The following UBE3D variants were observed in gnomAD, a reference collection of about 807,000 sequenced individuals.
UBE3D encodes the protein E3 ubiquitin-protein ligase E3D.
In UBE3D, 48 loss-of-function variants were observed where a neutral mutation model predicts 49.6. The observed-to-expected ratio is 0.97, with a 90% CI of 0.77 to 1.23. UBE3D has a LOEUF of 1.23. Among genes scored for constraint, UBE3D ranks in the 50% most tolerant of loss-of-function variants. The pLI, the probability that UBE3D is intolerant of heterozygous loss-of-function variation, is 0.00. For missense variants in UBE3D, 452 were observed against 468.4 expected (o/e 0.96, Z 0.32); for synonymous variants, 189 against 174.2 (o/e 1.08, Z -0.67).
At chr6:82,985,289 C>G (rs1778397984) in intron 8 of UBE3D, among the ~76,000 whole-genome samples, 1 of 152,012 alleles carries the variant, frequency 6.6e-6, no homozygotes, top group Non-Finnish European at 1.5e-5. Context: ...AAAAGGTTTT[C>G]CCCACTCCAA....
At chr6:82,946,536 A>G (rs1775415759) in intron 9 of UBE3D, among the ~76,000 whole-genome samples, 2 of 152,132 alleles carry the variant, frequency 1.3e-5, no homozygotes, top group African/African-American at 4.8e-5. Context: ...AAAGCAAAGA[A>G]TGTTCATGAG....
At chr6:82,934,598 A>T (rs1012601478) in intron 9 of UBE3D, among the ~76,000 whole-genome samples, 2 of 152,064 alleles carry the variant, frequency 1.3e-5, no homozygotes, top group Non-Finnish European at 2.9e-5. Flanking sequence ...AGGAGAAAAC[A>T]GTTGTTAAAC....
chr6:82,906,710 C>A (rs1772128093), intron 9 of UBE3D, among the ~76,000 whole-genome samples: 1 of 152,178 alleles, frequency 6.6e-6, no homozygotes, highest in Non-Finnish European at 1.5e-5. Context: ...AGACAAGCCA[C>A]TCCCCTTCTG....
At chr6:82,975,555 T>G (rs995149406) in intron 8 of UBE3D, among the ~76,000 whole-genome samples, 2 of 152,162 alleles carry the variant, frequency 1.3e-5, no homozygotes, top group African/African-American at 4.8e-5. Context: ...TATATACTAT[T>G]TTGGTGATAT....
At chr6:82,938,858 A>G (rs1170916288) in intron 9 of UBE3D, among the ~76,000 whole-genome samples, 1 of 152,088 alleles carries the variant, frequency 6.6e-6, no homozygotes, top group African/African-American at 2.4e-5. Flanking sequence ...TAAATTTTAA[A>G]CAAGCTTCCC....
chr6:82,910,900 A>C (rs1424746117), intron 9 of UBE3D, among the ~76,000 whole-genome samples: 1 of 152,184 alleles, frequency 6.6e-6, no homozygotes, highest in Non-Finnish European at 1.5e-5. Context: ...GTGGCTCACC[A>C]ATTTTTCAAA....
At chr6:82,913,105 A>G (rs1298114860) in intron 9 of UBE3D, among the ~76,000 whole-genome samples, 1 of 152,228 alleles carries the variant, frequency 6.6e-6, no homozygotes, top group Non-Finnish European at 1.5e-5. Context: ...ACCTGTGCTT[A>G]GATTCTCGCT....
At chr6:82,969,688 G>A (rs971562927) in intron 8 of UBE3D, among the ~76,000 whole-genome samples, 2 of 151,706 alleles carry the variant, frequency 1.3e-5, no homozygotes, top group Non-Finnish European at 2.9e-5. Context: ...CCTTACTCAA[G>A]AACATAAAAC....
intron 1 of UBE3D, among the ~76,000 whole-genome samples, chr6:83,062,460 C>G (rs553108376): frequency 6.6e-6 from 1 of 152,284 alleles, no homozygotes; most frequent in South Asian, 2.1e-4. Flanking sequence ...TCAGGAACCA[C>G]GCACCTCCCA....
chr6:83,055,958 G>A (rs142274511), intron 2 of UBE3D, among the ~76,000 whole-genome samples: 192 of 152,276 alleles, frequency 1.3e-3, no homozygotes, highest in African/African-American at 3.6e-3. Flanking sequence ...ATTAAGTGCT[G>A]AGGAATCTGT....
chr6:82,968,411 A>G (rs987505708), intron 8 of UBE3D, among the ~76,000 whole-genome samples: 1 of 142,078 alleles, frequency 7.0e-6, no homozygotes, highest in Non-Finnish European at 1.5e-5. Flanking sequence ...CACTCTCTTT[A>G]ATGGCTATAT....
intron 4 of UBE3D, among the ~76,000 whole-genome samples, chr6:83,043,330 T>C (rs573835669): frequency 6.6e-6 from 1 of 152,012 alleles, no homozygotes; most frequent in South Asian, 2.1e-4. Flanking sequence ...TATTAGTATA[T>C]ATTTAGATTA....
chr6:83,046,005 T>A (rs1473414162), intron 3 of UBE3D, among the ~76,000 whole-genome samples: 1 of 152,158 alleles, frequency 6.6e-6, no homozygotes, highest in African/African-American at 2.4e-5. Flanking sequence ...GTCTCAAGAT[T>A]AGGCTGGTGG....
chr6:83,051,680 C>T (rs1355733263), intron 3 of UBE3D, among the ~76,000 whole-genome samples: 3 of 152,208 alleles, frequency 2.0e-5, no homozygotes, highest in Non-Finnish European at 4.4e-5. Flanking sequence ...CTGAGATCCC[C>T]TGAACCTTTC....
At chr6:82,891,555 A>G (rs1275924776), downstream of UBE3D, among the ~76,000 whole-genome samples, 1 of 152,216 alleles carries the variant, frequency 6.6e-6, no homozygotes. Context: ...TGTGCTTCAT[A>G]AAATGACTCT....
intron 1 of UBE3D, among the ~76,000 whole-genome samples, chr6:83,062,606 A>C (rs956129583): frequency 6.6e-6 from 1 of 152,246 alleles, no homozygotes; most frequent in African/African-American, 2.4e-5. Context: ...TAAACATTTT[A>C]ATTAGAACAC....
At chr6:82,993,304 G>A (rs753652282) in intron 8 of UBE3D, among the ~76,000 whole-genome samples, 3 of 151,826 alleles carry the variant, frequency 2.0e-5, no homozygotes, top group East Asian at 1.9e-4. Flanking sequence ...CCTCTTGCAC[G>A]ACTGTACCCA....
intron 9 of UBE3D, among the ~76,000 whole-genome samples, chr6:82,955,604 T>G (rs541861140): frequency 7.1e-4 from 108 of 152,310 alleles, no homozygotes; most frequent in African/African-American, 2.5e-3. Flanking sequence ...AGACAGAATT[T>G]TAAGTCATAT....
intron 8 of UBE3D, among the ~76,000 whole-genome samples, chr6:82,960,302 T>C (rs750672362): frequency 2.6e-5 from 4 of 152,132 alleles, no homozygotes; most frequent in African/African-American, 4.8e-5. Flanking sequence ...AACATTTCTC[T>C]GGAATGAAAA....
Sources: gnomAD v4.1 joint callset for allele counts (sites outside exome capture counted in the v4.1 genomes callset) on GRCh38, gnomAD v4.1.1 for gene constraint, MANE v1.5 for transcripts, NCBI Gene and HGNC (gene_info 2026-07-23, HGNC 2026-07-21) for gene names.